The following CCDC6 variants were observed in gnomAD, a reference collection of about 807,000 sequenced individuals.
The protein encoded by CCDC6 is coiled-coil domain-containing protein 6.
A neutral mutation model predicts 56.6 loss-of-function variants in CCDC6; 20 were observed. The ratio of observed to expected loss-of-function variants is 0.35; its 90% CI spans 0.25 to 0.51. The LOEUF (loss-of-function observed/expected upper bound fraction) is 0.51, where lower values mean the gene tolerates loss of function less well. CCDC6 is among the 20% of genes least tolerant of loss of function. The pLI, the probability that CCDC6 is intolerant of heterozygous loss-of-function variation, is 0.95. For synonymous variants in CCDC6, 241 were observed against 234.4 expected (o/e 1.03, Z -0.26); for missense variants, 367 against 601.1 (o/e 0.61, Z 4.07).
In CCDC6 at chr10:59,830,456, A is replaced by T. The variant is rs544885088; in HGVS notation, c.582+2069T>A. Among the ~76,000 whole-genome samples, 8 of 152,316 alleles carry T rather than the reference A, an allele frequency of 5.3e-5. No homozygotes were observed. In the South Asian group the frequency reaches 1.7e-3, roughly 32 times the overall value. On this transcript the variant is annotated intron_variant, in intron 3 of 8. Coordinates refer to ENST00000263102, the MANE Select transcript of CCDC6 (RefSeq NM_005436.5). ...ATTTATAGTCAAAGAAAACACATTT[A>T]ATTATCCCAGTCACACCCAAAGCAA... is the stretch of plus-strand genomic sequence containing the variant.
chr10:59,868,369 G>A (rs868725413), intron 1 of CCDC6, among the ~76,000 whole-genome samples: 3 of 151,996 alleles, frequency 2.0e-5, no homozygotes, highest in African/African-American at 7.3e-5. Context: ...CCACTGGACC[G>A]TGTGATTTTC....
At chr10:59,838,950 T>C (rs535358155) in intron 2 of CCDC6, among the ~76,000 whole-genome samples, 5 of 152,336 alleles carry the variant, frequency 3.3e-5, no homozygotes, top group African/African-American at 7.2e-5. Flanking sequence ...GAGAAGCACA[T>C]TGTCATTCAA....
At chr10:59,890,710 CTTTT>C (rs1158166785) in intron 1 of CCDC6, among the ~76,000 whole-genome samples, 1 of 151,708 alleles carries the variant, frequency 6.6e-6, no homozygotes, top group East Asian at 1.9e-4. Context: ...TGTTTTTTTT[CTTTT>C]TTATTTATTT....
chr10:59,794,697 C>T (rs1359939017), intron 7 of CCDC6, 100 bp from the exon 8 acceptor site: 3 of 918,386 alleles, frequency 3.3e-6, no homozygotes, highest in Non-Finnish European at 5.1e-6. Flanking sequence ...CTATCACCCA[C>T]AAAAATACAA....
At chr10:59,794,635 C>A in intron 7 of CCDC6, 38 bp from the exon 8 acceptor site, 1 of 1,599,744 alleles carries the variant, frequency 6.3e-7, no homozygotes, top group South Asian at 1.1e-5. Context: ...ATTTTAAGCT[C>A]AACTATCTGG....
intron 6 of CCDC6, chr10:59,806,718 T>C: frequency 2.2e-6 from 1 of 456,148 alleles, no homozygotes; most frequent in South Asian, 5.4e-5. Context: ...GAGAGGTGAT[T>C]TTTTTCATCT....
intron 3 of CCDC6, among the ~76,000 whole-genome samples, chr10:59,826,961 C>T (rs2070793302): frequency 6.6e-6 from 1 of 152,136 alleles, no homozygotes; most frequent in Non-Finnish European, 1.5e-5. Context: ...CTTGTCTCGG[C>T]CCTCCTTCAT....
chr10:59,894,706 T>C (rs2071449309), intron 1 of CCDC6, among the ~76,000 whole-genome samples: 1 of 152,118 alleles, frequency 6.6e-6, no homozygotes, highest in Non-Finnish European at 1.5e-5. Flanking sequence ...CATAAGGCTA[T>C]GCCATGTGAA....
chr10:59,816,773 T>C (rs1484915148), intron 3 of CCDC6, among the ~76,000 whole-genome samples: 2 of 152,222 alleles, frequency 1.3e-5, no homozygotes, highest in African/African-American at 2.4e-5. Flanking sequence ...AAGGGACTTG[T>C]CTTGTCTGTT....
At chr10:59,801,807 C>A (rs1234332489) in intron 7 of CCDC6, among the ~76,000 whole-genome samples, 1 of 151,996 alleles carries the variant, frequency 6.6e-6, no homozygotes, top group Non-Finnish European at 1.5e-5. Flanking sequence ...CTCAAATTGT[C>A]CCAGTTTTGG....
chr10:59,814,169 T>C (rs1589038258), intron 4 of CCDC6, among the ~76,000 whole-genome samples: 1 of 152,182 alleles, frequency 6.6e-6, no homozygotes, highest in East Asian at 1.9e-4. Context: ...ATATAAAGAA[T>C]CCTAGCCTTA....
chr10:59,902,997 C>G (rs1257835338), intron 1 of CCDC6, among the ~76,000 whole-genome samples: 1 of 152,080 alleles, frequency 6.6e-6, no homozygotes, highest in Non-Finnish European at 1.5e-5. Context: ...TAACTCTGAA[C>G]AGAAAACAAG....
chr10:59,818,750 C>G (rs1347743507), intron 3 of CCDC6, among the ~76,000 whole-genome samples: 2 of 151,930 alleles, frequency 1.3e-5, no homozygotes, highest in Non-Finnish European at 2.9e-5. Flanking sequence ...CTCCAGCCAC[C>G]CTTGATCTGA....
chr10:59,807,559 TA>T (rs2070636805), intron 5 of CCDC6, among the ~76,000 whole-genome samples: 1 of 152,216 alleles, frequency 6.6e-6, no homozygotes, highest in South Asian at 2.1e-4. Context: ...ATTTAAAGTT[TA>T]TCTCAAGTAT....
At chr10:59,813,085 A>G (rs2070685791) in intron 4 of CCDC6, among the ~76,000 whole-genome samples, 1 of 152,226 alleles carries the variant, frequency 6.6e-6, no homozygotes, top group South Asian at 2.1e-4. Flanking sequence ...TCTGATAATT[A>G]TGCCTGGAAT....
intron 1 of CCDC6, among the ~76,000 whole-genome samples, chr10:59,879,547 AC>A (rs1459220181): frequency 6.6e-6 from 1 of 151,618 alleles, no homozygotes; most frequent in East Asian, 2.0e-4. Flanking sequence ...ACAAAGTGAG[AC>A]AAAACAAGAT....
chr10:59,896,394 C>T (rs532128168), intron 1 of CCDC6, among the ~76,000 whole-genome samples: 3 of 152,184 alleles, frequency 2.0e-5, no homozygotes, highest in African/African-American at 7.2e-5. Context: ...TGGCACCAAG[C>T]CCAGAGCTGG....
chr10:59,790,262 C>G lies in CCDC6; in HGVS notation c.*2655G>C, dbSNP rs1458694262. On this transcript the variant is annotated 3_prime_UTR_variant, in exon 9 of 9. Transcript: ENST00000263102. ...CTGTCTGCAAGACAGGAAAATGAAG[C>G]TACTGAAGCCCCTGTTGCTCCCACC... The G allele has an allele frequency of 9.1e-6, 2 of 218,650 alleles. No homozygotes were observed. Among genetic ancestry groups the G allele is most frequent in the Non-Finnish European group, 1.8e-5 (2 of 108,586 alleles). The allele number at this position is 218,650 out of a possible 1,614,324, so 13.5% of individuals were successfully genotyped here.
intron 1 of CCDC6, among the ~76,000 whole-genome samples, chr10:59,864,941 C>T (rs752552524): frequency 1.3e-5 from 2 of 152,168 alleles, no homozygotes; most frequent in Admixed American, 6.5e-5. Flanking sequence ...ATGAGTATAT[C>T]GGTGTTCTGT....
Sources: gnomAD v4.1 joint callset for allele counts (sites outside exome capture counted in the v4.1 genomes callset) on GRCh38, gnomAD v4.1.1 for gene constraint, MANE v1.5 for transcripts, NCBI Gene and HGNC (gene_info 2026-07-23, HGNC 2026-07-21) for gene names.